The following TEX14 variants were observed in gnomAD, a reference collection of about 807,000 sequenced individuals.
TEX14 encodes inactive serine/threonine-protein kinase TEX14.
A neutral mutation model predicts 178.6 loss-of-function variants in TEX14; 168 were observed. That is an observed-to-expected ratio of 0.94 (90% confidence interval 0.83 to 1.07). The LOEUF is 1.07. Ranked by LOEUF, TEX14 falls within the 50% of genes least tolerant of loss-of-function variation. The pLI, the probability that TEX14 is intolerant of heterozygous loss-of-function variation, is 0.00. For missense variants in TEX14, 1,730 were observed against 1,753.6 expected, an observed-to-expected ratio of 0.99 and a Z score of 0.24; for synonymous variants, 626 against 634.1, an observed-to-expected ratio of 0.99 and a Z score of 0.19.
intron 21 of TEX14, among the ~76,000 whole-genome samples, chr17:58,575,021 T>C (rs1278564910): frequency 6.6e-6 from 1 of 152,122 alleles, no homozygotes; most frequent in African/African-American, 2.4e-5. Flanking sequence ...CTTGACCTGT[T>C]TCTACTTTAA....
chr17:58,570,171 A>T (rs1443641574), intron 25 of TEX14, among the ~76,000 whole-genome samples: 2 of 151,992 alleles, frequency 1.3e-5, no homozygotes, highest in African/African-American at 4.8e-5. Flanking sequence ...GATATGCAAA[A>T]AAAAAAGTAC....
intron 1 of TEX14, 142 bp from the exon 2 acceptor site, chr17:58,652,144 G>T: frequency 1.6e-6 from 1 of 612,034 alleles, no homozygotes; most frequent in Non-Finnish European, 2.6e-6. Flanking sequence ...AACTCTATGA[G>T]ATTAATGTTT....
chr17:58,573,720 T>C (rs916026859), intron 22 of TEX14, among the ~76,000 whole-genome samples: 2 of 152,194 alleles, frequency 1.3e-5, no homozygotes, highest in Non-Finnish European at 1.5e-5. Flanking sequence ...GATTTTACCA[T>C]GTTGGCCAGG....
In TEX14 at chr17:58,621,678, G is replaced by T. The variant is rs778472179; in HGVS notation, c.526C>A (p.Pro176Thr). The T allele has an allele frequency of 1.9e-6, 3 of 1,614,106 alleles. No homozygotes were observed. The Admixed American group carries it at 5.0e-5, about 27-fold the overall frequency. The change falls in exon 5 of 32, where the codon CCG becomes ACG. Residue 176 changes from proline to threonine, a missense_variant. Physicochemically the swap from Pro to Thr is conservative, Grantham distance 38 (BLOSUM62 -1). Coordinates refer to ENST00000349033, the MANE Select transcript of TEX14 (RefSeq NM_031272.5). ...TGCACGAGGCCCCCACACCAGGACG[G>T]GCTGTAGACAAGCCGCTGCGGGGAG... The part of the protein sequence containing the change: ...IDSPQRLVYS[P>T]SWCGGLVQGN...
chr17:58,660,749 T>C, intron 1 of TEX14: 1 of 781,316 alleles, frequency 1.3e-6, no homozygotes, highest in Non-Finnish European at 2.4e-6. Context: ...TATTCCCTGA[T>C]CTGGTAACAC....
intron 2 of TEX14, among the ~76,000 whole-genome samples, chr17:58,644,028 C>T (rs1008179851): frequency 9.9e-5 from 15 of 151,168 alleles, no homozygotes; most frequent in Non-Finnish European, 1.0e-4. Flanking sequence ...TGTTACATGA[C>T]GGAGGTAGGT....
intron 5 of TEX14, among the ~76,000 whole-genome samples, chr17:58,621,178 A>G (rs966104935): frequency 6.6e-6 from 1 of 152,334 alleles, no homozygotes; most frequent in African/African-American, 2.4e-5. Flanking sequence ...TGATGGGAGA[A>G]GAGGGGGCTG....
chr17:58,611,386 C>T, intron 9 of TEX14, 47 bp from the exon 10 acceptor site: 1 of 1,392,198 alleles, frequency 7.2e-7, no homozygotes, highest in Non-Finnish European at 1.0e-6. Context: ...GGACTGGGGC[C>T]CTGACACTGT....
chr17:58,584,157 T>C (rs1000888319), intron 19 of TEX14, among the ~76,000 whole-genome samples: 13 of 152,196 alleles, frequency 8.5e-5, no homozygotes, highest in East Asian at 3.8e-4. Context: ...TGCCCTTGCT[T>C]TTCCTACTCC....
At chr17:58,623,670 A>G (rs939842901) in intron 3 of TEX14, among the ~76,000 whole-genome samples, 15 of 152,122 alleles carry the variant, frequency 9.9e-5, no homozygotes, top group African/African-American at 3.6e-4. Flanking sequence ...CTGGCTACAC[A>G]TCAGAATCAC....
chr17:58,615,155 G>A (rs535957617), intron 8 of TEX14, 77 bp downstream of exon 8: 11 of 780,528 alleles, frequency 1.4e-5, no homozygotes, highest in African/African-American at 3.5e-5. Context: ...CCTATCCCAG[G>A]CACAGAGCTG....
At chr17:58,570,780 C>G (rs573664509) in intron 24 of TEX14, among the ~76,000 whole-genome samples, 2 of 152,090 alleles carry the variant, frequency 1.3e-5, no homozygotes, top group East Asian at 3.9e-4. Flanking sequence ...TGTGTACCAC[C>G]ACGCCCAGCC....
At chr17:58,585,548 C>A (rs1167272196) in intron 18 of TEX14, among the ~76,000 whole-genome samples, 1 of 151,608 alleles carries the variant, frequency 6.6e-6, no homozygotes, top group African/African-American at 2.4e-5. Flanking sequence ...TCCAAGTGAT[C>A]CTCCCACCTC....
At chr17:58,602,369 G>A (rs750485551) in intron 12 of TEX14, 31 bp downstream of exon 12, 84 of 1,578,442 alleles carry the variant, frequency 5.3e-5, no homozygotes, top group Non-Finnish European at 6.9e-6. Flanking sequence ...TAGGTAAGCA[G>A]AAATAAACTC....
Position 58,587,943 on chromosome 17 carries a change from G to A in TEX14, c.2655C>T (p.His885=), listed in dbSNP as rs748407388. The A allele has an allele frequency of 1.9e-5, 30 of 1,613,526 alleles. No individual in the cohort carries two copies. The highest frequency in any genetic ancestry group is 2.5e-5 in the Non-Finnish European group (30 of 1,179,658). The change falls in exon 16 of 32, where the codon CAC becomes CAT. Residue 885 remains histidine (H), a synonymous_variant. Transcript: ENST00000349033. ...FNSALFTLSS[H]RQGPSASPSC... ...TGGGTGATGCAGAAGGTCCCTGCCG[G>A]TGGCTTGACAGAGTGAAGAGTGCAC... is the stretch of plus-strand genomic sequence containing the variant.
At chr17:58,574,906 G>A (rs569528371) in intron 21 of TEX14, among the ~76,000 whole-genome samples, 1 of 152,098 alleles carries the variant, frequency 6.6e-6, no homozygotes, top group Admixed American at 6.6e-5. Context: ...GAGCAAAGGG[G>A]CACAGCCATG....
At chr17:58,669,607 G>GCA (rs2047270770) in intron 1 of TEX14, among the ~76,000 whole-genome samples, 2 of 151,518 alleles carry the variant, frequency 1.3e-5, no homozygotes, top group African/African-American at 4.9e-5. Flanking sequence ...GGTGGCGCAT[G>GCA]CCTGTAATCC....
intron 3 of TEX14, among the ~76,000 whole-genome samples, chr17:58,625,132 T>G (rs1322502020): frequency 6.6e-6 from 1 of 151,702 alleles, no homozygotes; most frequent in Non-Finnish European, 1.5e-5. Context: ...TTTTTGGGTT[T>G]TTTTTTTTTC....
intron 30 of TEX14, among the ~76,000 whole-genome samples, chr17:58,558,954 G>C (rs997194559): frequency 1.3e-5 from 2 of 152,150 alleles, no homozygotes; most frequent in African/African-American, 4.8e-5. Flanking sequence ...CAGATCACCT[G>C]AGGTCAAGAG....
Sources: allele counts gnomAD v4.1 joint callset (sites outside exome capture counted in the v4.1 genomes callset), GRCh38; gene constraint gnomAD v4.1.1; transcripts MANE v1.5; gene names NCBI Gene and HGNC (gene_info 2026-07-23, HGNC 2026-07-21).